The following NKX6-3 variants were observed in gnomAD, a reference collection of about 807,000 sequenced individuals.
NKX6-3 encodes NK6 homeobox 3, also known as homeobox protein Nkx-6.3.
NKX6-3 carries 17 observed loss-of-function variants against 22.0 expected under a neutral mutation model. The observed-to-expected ratio is 0.77, with a 90% CI of 0.53 to 1.16. The LOEUF is 1.16. Ranked by LOEUF, NKX6-3 falls within the 50% of genes most tolerant of loss-of-function variation. The pLI, the probability that NKX6-3 is intolerant of heterozygous loss-of-function variation, is 0.00. For synonymous variants in NKX6-3, 177 were observed against 167.2 expected (o/e 1.06, Z -0.45); for missense variants, 363 against 359.0 (o/e 1.01, Z -0.09).
chr8:41,646,524 G>A lies in NKX6-3; in HGVS notation c.723C>T (p.Asp241=), dbSNP rs202195558. 3.1e-6 allele frequency: 5 copies of A among 1,612,312 alleles called. No individual in the cohort carries two copies. The Admixed American group carries it at 5.0e-5, about 16-fold the overall frequency. Residue 241 remains aspartate, a synonymous_variant, in exon 3 of 3, where the codon GAC becomes GAT. Coordinates refer to ENST00000518699, the MANE Select transcript of NKX6-3 (RefSeq NM_001364841.2). ...YNKPLDPDSD[D]EKIRLLLRKH... ...TGCGCAGCAGCAGGCGGATCTTCTCGTCGTCCGAGTCGGGGTCCAGCGGCT... is the reference window on the plus strand; with the variant it reads ...TGCGCAGCAGCAGGCGGATCTTCTCATCGTCCGAGTCGGGGTCCAGCGGCT...
At position 41,650,317 on chromosome 8, in the gene NKX6-3, A is replaced by G. The variant is rs561135808; in HGVS notation, c.176T>C (p.Leu59Pro). Residue 59 changes from leucine (L) to proline (P), a missense_variant, in exon 1 of 3, where the codon CTG becomes CCG. Leu to Pro is a moderately conservative substitution (Grantham distance 98, BLOSUM62 -3). Coordinates refer to ENST00000518699, the MANE Select transcript of NKX6-3 (RefSeq NM_001364841.2). The stretch of plus-strand genomic sequence containing the variant: ...GTTCGGCGCAGCCACGGGCCTGCTC[A>G]GGATGTCCGTGATCCCGTGGGGGGT... ...AGTPHGITDI[L>P]SRPVAAPNNS... is the part of the protein sequence containing the mutation. 47 of 1,534,930 alleles carry G rather than the reference A, an allele frequency of 3.1e-5. No individual in the cohort carries two copies. Among genetic ancestry groups the G allele is most frequent in the Admixed American group, 3.9e-5 (2 of 50,832 alleles).
At chr8:41,649,487 G>C (rs529707935) in intron 1 of NKX6-3, among the ~76,000 whole-genome samples, 1 of 152,172 alleles carries the variant, frequency 6.6e-6, no homozygotes, top group Non-Finnish European at 1.5e-5. Flanking sequence ...GGGATGGGTC[G>C]GCTGAGAAGA....
chr8:41,646,797 T>C (rs1804214040), intron 2 of NKX6-3, 103 bp from the exon 3 acceptor site: 3 of 1,434,888 alleles, frequency 2.1e-6, no homozygotes, highest in Middle Eastern at 1.8e-4. Flanking sequence ...AACAACGGAG[T>C]GACTGTCACA....
At position 41,646,323 on chromosome 8, in the gene NKX6-3, C is replaced by A; in HGVS notation, c.*126G>T. The A allele has an allele frequency of 8.1e-7, 1 of 1,235,378 alleles. No homozygotes were observed. The highest frequency in any genetic ancestry group is 1.1e-6 in the Non-Finnish European group (1 of 923,414). 76.5% of individuals were successfully genotyped at this position (1,235,378 alleles called of 1,614,324 possible). ...CTGCACCTGCTGCTCCTCCTCCACG[C>A]GCCCCTCATCCAAAGAAAGACTCAG... On this transcript the variant is annotated 3_prime_UTR_variant, in exon 3 of 3. Transcript: ENST00000518699.
At chr8:41,648,600 A>C (rs1585695651) in intron 1 of NKX6-3, among the ~76,000 whole-genome samples, 1 of 152,262 alleles carries the variant, frequency 6.6e-6, no homozygotes, top group African/African-American at 2.4e-5. Flanking sequence ...TCCTCCTATA[A>C]TTAGGGACCA....
intron 2 of NKX6-3, chr8:41,647,126 TC>T (rs1445366326): frequency 1.3e-6 from 2 of 1,524,138 alleles, no homozygotes; most frequent in Non-Finnish European, 1.8e-6. Flanking sequence ...AAATAATTGT[TC>T]CCCTAGTTAG....
chr8:41,649,111 C>T (rs1344381366), intron 1 of NKX6-3, among the ~76,000 whole-genome samples: 1 of 152,104 alleles, frequency 6.6e-6, no homozygotes, highest in African/African-American at 2.4e-5. Flanking sequence ...TTAAAGCACC[C>T]CTGAAGCCAA....
intron 2 of NKX6-3, chr8:41,647,127 C>A (rs916160403): frequency 7.8e-6 from 12 of 1,531,144 alleles, no homozygotes; most frequent in Non-Finnish European, 9.0e-6. Flanking sequence ...AATAATTGTT[C>A]CCCTAGTTAG....
chr8:41,650,466 G>A lies in NKX6-3; in HGVS notation c.27C>T (p.Phe9=). 1.2e-5 allele frequency: 19 copies of A among 1,535,618 alleles called. No individual in the cohort carries two copies. The highest frequency in any genetic ancestry group is 2.4e-5 in the South Asian group (2 of 84,006). ...GAGCCAGCGGCGTGTTGTTCAGCAG[G>A]AACGTCCCCTGCAGGTTGGACTCCA... MESNLQGT[F]LLNNTPLAQF... Residue 9 remains phenylalanine, a synonymous_variant, in exon 1 of 3, where the codon TTC becomes TTT. Coordinates refer to ENST00000518699, the MANE Select transcript of NKX6-3 (RefSeq NM_001364841.2).
chr8:41,647,354 A>C, intron 2 of NKX6-3: 3 of 1,564,048 alleles, frequency 1.9e-6, no homozygotes, highest in Non-Finnish European at 2.6e-6. Context: ...CCCCTGCTGC[A>C]TCCTTAGGCC....
In NKX6-3 at chr8:41,645,486, C is replaced by T. The variant is rs1176583383; in HGVS notation, c.*963G>A. ...TCCTCCACCCAGCCGGAGGGGCTGT[C>T]CTTCTCCCTTCCTGCCTTGTTGGAG... is the stretch of plus-strand genomic sequence containing the variant. On this transcript the variant is annotated 3_prime_UTR_variant, in exon 3 of 3. Transcript: ENST00000518699. 1 of 152,330 alleles carries T rather than the reference C, an allele frequency of 6.6e-6. No homozygotes were observed. Among genetic ancestry groups the T allele is most frequent in the Non-Finnish European group, 1.5e-5 (1 of 68,110 alleles). The allele number at this position is 152,330 out of a possible 1,614,324, so 9.4% of individuals were successfully genotyped here.
At chr8:41,647,225 G>A (rs761602897) in intron 2 of NKX6-3, 3 of 1,612,682 alleles carry the variant, frequency 1.9e-6, no homozygotes, top group Admixed American at 3.3e-5. Context: ...AGGAGTGTCT[G>A]CTTCTTCCCC....
chr8:41,645,652 C>T lies in NKX6-3; in HGVS notation c.*797G>A, dbSNP rs1447358536. On this transcript the variant is annotated 3_prime_UTR_variant, in exon 3 of 3. Coordinates refer to ENST00000518699, the MANE Select transcript of NKX6-3 (RefSeq NM_001364841.2). ...CTTGGGCACACCGTCCCCGCCTCCC[C>T]TCTCCCTGCACCCTCCCCTTTTCCC... is the stretch of plus-strand genomic sequence containing the variant. The T allele has an allele frequency of 6.6e-6, 1 of 152,552 alleles. No individual in the cohort carries two copies. Among genetic ancestry groups the T allele is most frequent in the Non-Finnish European group, 1.5e-5 (1 of 68,268 alleles). 9.4% of individuals were successfully genotyped at this position (152,552 alleles called of 1,614,324 possible).
intron 1 of NKX6-3, 70 bp from the exon 2 acceptor site, chr8:41,648,305 G>T: frequency 7.3e-7 from 1 of 1,376,630 alleles, no homozygotes; most frequent in Non-Finnish European, 9.8e-7. Context: ...CGTCTGGCAG[G>T]GCAACCACCA....
In NKX6-3 at chr8:41,650,377, C is replaced by A. The variant is rs767690864; in HGVS notation, c.116G>T (p.Ser39Ile). Residue 39 changes from serine to isoleucine, a missense_variant, in exon 1 of 3, where the codon AGC (serine) becomes ATC (isoleucine). Around this residue, in one of 3 missense-constraint regions of NKX6-3, gnomAD observed 175 missense variants for 160.9 expected, o/e 1.09. Transcript: ENST00000518699. ...CAGCTGGGGGCCCAGCCCTGGGGGG[C>A]TGAGCTTGTAGAAGGAGTTCTGCAC... is the stretch of plus-strand genomic sequence containing the variant. Reference protein sequence around the residue: ...YSVQNSFYKLSPPGLGPQLAA... With the variant: ...YSVQNSFYKLIPPGLGPQLAA... The A allele has an allele frequency of 1.4e-5, 21 of 1,535,470 alleles. No individual in the cohort carries two copies. The South Asian group carries it at 2.5e-4, about 18-fold the overall frequency.
chr8:41,646,041 G>T lies in NKX6-3; in HGVS notation c.*408C>A. 1 of 199,996 alleles carries T rather than the reference G, an allele frequency of 5.0e-6. No homozygotes were observed. Among genetic ancestry groups the T allele is most frequent in the Non-Finnish European group, 1.0e-5 (1 of 99,766 alleles). The allele number at this position is 199,996 out of a possible 1,614,324, so 12.4% of individuals were successfully genotyped here. ...CTGGGAAGTCCTGCCCACTCCCCCC[G>T]CCCCAACAGCTGGATCACAGTGGCA... On this transcript the variant is annotated 3_prime_UTR_variant, in exon 3 of 3. Transcript: ENST00000518699.
chr8:41,650,542 G>A lies in NKX6-3; in HGVS notation c.-50C>T. On this transcript the variant is annotated 5_prime_UTR_variant, in exon 1 of 3. Transcript: ENST00000518699. ...GCTTCTCCAGGCCCCTAAAACCCAA[G>A]AGCCCACTCTCTAGCCCCAAATCTC... 1 of 1,516,408 alleles carries A rather than the reference G, an allele frequency of 6.6e-7. No homozygotes were observed. Among genetic ancestry groups the A allele is most frequent in the Non-Finnish European group, 8.8e-7 (1 of 1,135,872 alleles). 93.9% of individuals were successfully genotyped at this position (1,516,408 alleles called of 1,614,324 possible).
At chr8:41,647,976 C>T (rs1055950353) in intron 2 of NKX6-3, 90 bp downstream of exon 2, 36 of 1,217,176 alleles carry the variant, frequency 3.0e-5, no homozygotes, top group African/African-American at 6.0e-5. Flanking sequence ...TGGGGGGCTG[C>T]GTTGTGTGGC....
Position 41,650,436 on chromosome 8 carries a change from A to C in NKX6-3, c.57T>G (p.Phe19Leu), listed in dbSNP as rs1298329761. 5.2e-6 allele frequency: 8 copies of C among 1,535,638 alleles called. No individual in the cohort carries two copies. The highest frequency in any genetic ancestry group is 7.0e-6 in the Non-Finnish European group (8 of 1,146,814). Residue 19 changes from phenylalanine (F) to leucine (L), a missense_variant, in exon 1 of 3, where the codon TTT (phenylalanine) becomes TTG (leucine). Physicochemically the swap from Phe to Leu is conservative, Grantham distance 22. Around this residue, in one of 3 missense-constraint regions of NKX6-3, gnomAD observed 175 missense variants for 160.9 expected, o/e 1.09. Transcript: ENST00000518699. ...FLLNNTPLAQ[F>L]PEMKAPVCQY... The stretch of plus-strand genomic sequence containing the variant: ...GGCACACCGGGGCCTTCATCTCCGG[A>C]AACTGAGCCAGCGGCGTGTTGTTCA...
Sources: gnomAD v4.1 joint callset for allele counts (sites outside exome capture counted in the v4.1 genomes callset) on GRCh38, gnomAD v4.1.1 for gene constraint, gnomAD v4.1.1 regional missense constraint, MANE v1.5 for transcripts, NCBI Gene and HGNC (gene_info 2026-07-23, HGNC 2026-07-21) for gene names.